The following KDM7A variants were observed in gnomAD, a reference collection of about 807,000 sequenced individuals.
KDM7A encodes the protein lysine demethylase 7A.
A neutral mutation model predicts 114.8 loss-of-function variants in KDM7A; 28 were observed. That is an observed-to-expected ratio of 0.24 (90% CI 0.18 to 0.33). The LOEUF (loss-of-function observed/expected upper bound fraction) is 0.33, where lower values mean the gene tolerates loss of function less well. KDM7A is among the 10% of genes least tolerant of loss of function. The pLI, the probability that KDM7A is intolerant of heterozygous loss-of-function variation, is 1.00. For synonymous variants in KDM7A, 423 were observed against 397.8 expected (o/e 1.06, Z -0.75); for missense variants, 942 against 1,142.5 (o/e 0.82, Z 2.53).
chr7:140,167,582 C>A (rs577101013), intron 1 of KDM7A, among the ~76,000 whole-genome samples: 4 of 151,962 alleles, frequency 2.6e-5, no homozygotes, highest in South Asian at 2.1e-4. Context: ...AGAAAAAATT[C>A]TATTTATATT....
intron 1 of KDM7A, among the ~76,000 whole-genome samples, chr7:140,153,244 G>A (rs911386099): frequency 4.0e-5 from 6 of 151,606 alleles, no homozygotes; most frequent in Non-Finnish European, 8.8e-5. Flanking sequence ...AAGTAACCAT[G>A]CGTGAGGCCG....
At chr7:140,159,306 C>T (rs1243272580) in intron 1 of KDM7A, among the ~76,000 whole-genome samples, 2 of 152,006 alleles carry the variant, frequency 1.3e-5, no homozygotes, top group Admixed American at 6.6e-5. Context: ...GAGTTCATGC[C>T]GCTGCACTCC....
At chr7:140,095,275 T>C (rs1435990099) in intron 17 of KDM7A, among the ~76,000 whole-genome samples, 1 of 152,222 alleles carries the variant, frequency 6.6e-6, no homozygotes, top group African/African-American at 2.4e-5. Context: ...AGTATTTCCA[T>C]AGAAGTGTTC....
At chr7:140,100,684 A>ATATATATATATATATGTG (rs1232535802) in intron 12 of KDM7A, among the ~76,000 whole-genome samples, 1 of 37,562 alleles carries the variant, frequency 2.7e-5, no homozygotes, top group African/African-American at 1.2e-4. Flanking sequence ...ATATATACAT[A>ATATATATATATATATGTG]TATACATATA....
chr7:140,097,784 C>A (rs1455689350), intron 14 of KDM7A, 142 bp from the exon 15 acceptor site: 5 of 547,192 alleles, frequency 9.1e-6, no homozygotes, highest in Non-Finnish European at 1.7e-5. Context: ...CTTTTATTTT[C>A]TTCATTTCTT....
intron 2 of KDM7A, 75 bp from the exon 3 acceptor site, chr7:140,133,731 G>A (rs1040358267): frequency 2.5e-5 from 19 of 761,196 alleles, no homozygotes; most frequent in South Asian, 3.7e-5. Context: ...CATTATATCC[G>A]ACATAATCAG....
intron 1 of KDM7A, among the ~76,000 whole-genome samples, chr7:140,140,673 C>T (rs1367902836): frequency 1.3e-5 from 2 of 150,532 alleles, no homozygotes; most frequent in African/African-American, 4.9e-5. Context: ...ACTTGGGAGG[C>T]TGAGGCAGGA....
chr7:140,102,038 A>C lies in KDM7A; in HGVS notation c.1551T>G (p.His517Gln). Reference protein sequence around the residue: ...SRRKMRKLRDHNVRTPSNLDI... With the variant: ...SRRKMRKLRDQNVRTPSNLDI... ...CTAGGTTAGAAGGAGTTCGGACATT[A>C]TGATCTCGAAGTTTCCTCATCTTTC... Residue 517 changes from histidine to glutamine, a missense_variant, in exon 12 of 20, where the codon CAT becomes CAG. Transcript: ENST00000397560. 1 of 1,614,046 alleles carries C rather than the reference A, an allele frequency of 6.2e-7. No homozygotes were observed. Among genetic ancestry groups the C allele is most frequent in the South Asian group, 1.1e-5 (1 of 91,086 alleles).
At chr7:140,138,282 C>T (rs911086176) in intron 2 of KDM7A, among the ~76,000 whole-genome samples, 10 of 151,278 alleles carry the variant, frequency 6.6e-5, no homozygotes, top group East Asian at 5.8e-4. Flanking sequence ...CACTCCAGCA[C>T]GGGTGACAGA....
rs1818234788 is a variant in KDM7A at position 140,101,960 on chromosome 7, T to C, written c.1629A>G (p.Pro543=). The change falls in exon 12 of 20, where the codon CCA becomes CCG. Residue 543 remains proline, a synonymous_variant. Transcript: ENST00000397560. ...REVLKRLEMC[P]WEEDILSSKL... is the part of the protein sequence containing the mutation. ...GAAACATAATACTTGCCTCTTCCCA[T>C]GGACACATCTCTAATCTTTTGAGGA... 2 of 1,609,288 alleles carry C rather than the reference T, an allele frequency of 1.2e-6. No homozygotes were observed. Among genetic ancestry groups the C allele is most frequent in the Non-Finnish European group, 1.7e-6 (2 of 1,175,614 alleles).
chr7:140,159,347 G>A (rs1306740973), intron 1 of KDM7A, among the ~76,000 whole-genome samples: 2 of 151,740 alleles, frequency 1.3e-5, no homozygotes, highest in Admixed American at 1.3e-4. Flanking sequence ...ACTCCATATT[G>A]GAGAAAAAAA....
intron 9 of KDM7A, among the ~76,000 whole-genome samples, chr7:140,115,233 G>A (rs567986976): frequency 8.8e-5 from 13 of 147,118 alleles, no homozygotes; most frequent in African/African-American, 2.8e-4. Context: ...GCCTCTGCCC[G>A]GCCGCCCCTT....
chr7:140,112,028 A>G lies in KDM7A; in HGVS notation c.1339-844T>C, dbSNP rs898225299. ...ACATCTAAAGCCTTCAGTAGGAAAC[A>G]AATTATACAGTTTTGGCAACATATG... is the stretch of plus-strand genomic sequence containing the variant. On this transcript the variant is annotated intron_variant, in intron 10 of 19. Transcript: ENST00000397560. Among the ~76,000 whole-genome samples the G allele has an allele frequency of 5.3e-5, 8 of 152,020 alleles. No individual in the cohort carries two copies. The South Asian group carries it at 1.7e-3, about 32-fold the overall frequency.
intron 12 of KDM7A, among the ~76,000 whole-genome samples, chr7:140,100,725 T>TAC (rs1818205983): frequency 1.7e-5 from 1 of 57,182 alleles, no homozygotes; most frequent in Non-Finnish European, 3.4e-5. Flanking sequence ...TATATATATA[T>TAC]ATATATATAT....
chr7:140,098,764 G>T, intron 14 of KDM7A, 115 bp downstream of exon 14: 1 of 854,948 alleles, frequency 1.2e-6, no homozygotes, highest in Non-Finnish European at 1.8e-6. Context: ...CAGTTTTAGG[G>T]ACACAAAAGT....
intron 1 of KDM7A, among the ~76,000 whole-genome samples, chr7:140,171,687 CTCAG>C (rs1448119163): frequency 6.7e-6 from 1 of 149,972 alleles, no homozygotes; most frequent in East Asian, 1.9e-4. Flanking sequence ...GAAACTCCCT[CTCAG>C]TCAATTCCCA....
chr7:140,107,290 A>G (rs1389445875), intron 11 of KDM7A, among the ~76,000 whole-genome samples: 1 of 152,150 alleles, frequency 6.6e-6, no homozygotes, highest in Non-Finnish European at 1.5e-5. Context: ...TAATATTGTT[A>G]TGTGTGAATT....
chr7:140,151,415 T>G (rs1287883680), intron 1 of KDM7A, among the ~76,000 whole-genome samples: 18 of 152,192 alleles, frequency 1.2e-4, no homozygotes, highest in Admixed American at 1.2e-3. Context: ...AAAGCAGGAA[T>G]GCCAAGAACA....
intron 17 of KDM7A, chr7:140,095,695 T>A: frequency 3.9e-6 from 1 of 254,090 alleles, no homozygotes; most frequent in South Asian, 3.3e-5. Flanking sequence ...CTGGGCAACA[T>A]AGGTGAGACC....
Sources: gnomAD v4.1 joint callset for allele counts (sites outside exome capture counted in the v4.1 genomes callset) on GRCh38, gnomAD v4.1.1 for gene constraint, MANE v1.5 for transcripts, NCBI Gene and HGNC (gene_info 2026-07-23, HGNC 2026-07-21) for gene names.